MGMT: variants seen among roughly 807,000 people sequenced by gnomAD.
MGMT encodes the protein methylated-DNA--protein-cysteine methyltransferase.
Under a neutral mutation model 15.9 loss-of-function variants are expected in MGMT, and 14 were observed. That is an observed-to-expected ratio of 0.88 (90% CI 0.58 to 1.37). The LOEUF is 1.37. Among genes scored for constraint, MGMT ranks in the 40% most tolerant of loss-of-function variants. The pLI, the probability that MGMT is intolerant of heterozygous loss-of-function variation, is 0.00. For missense variants in MGMT, 282 were observed against 268.1 expected (o/e 1.05, Z -0.36); for synonymous variants, 130 against 118.2 (o/e 1.10, Z -0.65).
chr10:129,722,849 C>G (rs2133155788), intron 3 of MGMT, among the ~76,000 whole-genome samples: 2 of 151,832 alleles, frequency 1.3e-5, no homozygotes, highest in South Asian at 4.2e-4. Context: ...CTACTAAAAA[C>G]ACAAAAAACA....
chr10:129,609,891 A>C (rs473771), intron 2 of MGMT, among the ~76,000 whole-genome samples: 64,019 of 151,912 alleles, frequency 0.42, 14,439 homozygotes, highest in East Asian at 0.64. Flanking sequence ...CCTTTAGAAA[A>C]AGGCCCGGGA....
rs534862170 is a variant in MGMT, at chr10:129,755,507, C to A, written c.275-3695C>A. ...TGAGTATGCCCCTGCTAGCTGCAGC[C>A]TGGCTAAGGAAAAGTCCCAAAGCCT... is the stretch of plus-strand genomic sequence containing the variant. On this transcript the variant is annotated intron_variant, in intron 3 of 4. Coordinates refer to ENST00000651593, the MANE Select transcript of MGMT (RefSeq NM_002412.5). Among the ~76,000 whole-genome samples the A allele has an allele frequency of 6.6e-5, 10 of 152,374 alleles. 1 individual carries two copies. The South Asian group carries it at 2.1e-3, about 32-fold the overall frequency.
At chr10:129,487,439 T>A (rs1845419765) in intron 1 of MGMT, among the ~76,000 whole-genome samples, 2 of 152,192 alleles carry the variant, frequency 1.3e-5, no homozygotes. Flanking sequence ...TGTGTGTGTG[T>A]ATGTATGGTA....
intron 2 of MGMT, among the ~76,000 whole-genome samples, chr10:129,627,306 G>A (rs1847160880): frequency 6.6e-6 from 1 of 152,132 alleles, no homozygotes; most frequent in African/African-American, 2.4e-5. Context: ...ACTAAGCTGG[G>A]ATTCCCCAGG....
At chr10:129,721,472 C>A (rs148403064) in intron 3 of MGMT, among the ~76,000 whole-genome samples, 1 of 152,178 alleles carries the variant, frequency 6.6e-6, no homozygotes, top group Non-Finnish European at 1.5e-5. Flanking sequence ...ATAAGTGAAC[C>A]TCACTAGAAC....
At chr10:129,638,399 A>C (rs146880052) in intron 2 of MGMT, among the ~76,000 whole-genome samples, 212 of 150,016 alleles carry the variant, frequency 1.4e-3, no homozygotes, top group African/African-American at 5.1e-3. Flanking sequence ...AAGACTTAAG[A>C]ATAAGAAGTC....
chr10:129,669,346 T>TC (rs1199172012), intron 2 of MGMT, among the ~76,000 whole-genome samples: 1 of 152,190 alleles, frequency 6.6e-6, no homozygotes, highest in African/African-American at 2.4e-5. Context: ...TTCCTTTTTT[T>TC]CCTGATCTTT....
Position 129,468,560 on chromosome 10 carries a change from G to A in MGMT, c.-13+1264G>A, listed in dbSNP as rs1347114396. ...ACCACCAGTACGGAGCTATACTCAG[G>A]TACTTTTCAATGTATATATCTTCAT... On this transcript the variant is annotated intron_variant, in intron 1 of 4. Coordinates refer to ENST00000651593, the MANE Select transcript of MGMT (RefSeq NM_002412.5). 2.6e-5 allele frequency among the ~76,000 whole-genome samples: 4 copies of A among 151,868 alleles called. 1 individual carries two copies. The highest frequency in any genetic ancestry group is 4.2e-4 in the South Asian group (2 of 4,814).
chr10:129,597,132 G>A (rs920544091), intron 2 of MGMT, among the ~76,000 whole-genome samples: 2 of 152,204 alleles, frequency 1.3e-5, no homozygotes, highest in African/African-American at 4.8e-5. Context: ...GAGCTGGGGC[G>A]TGGAGAGGGT....
At chr10:129,493,625 C>T (rs1357054326) in intron 1 of MGMT, among the ~76,000 whole-genome samples, 1 of 152,166 alleles carries the variant, frequency 6.6e-6, no homozygotes, top group Non-Finnish European at 1.5e-5. Context: ...TTATCAACAT[C>T]TGCAAGTGTT....
chr10:129,510,054 C>T (rs777302587), intron 1 of MGMT, among the ~76,000 whole-genome samples: 5 of 152,196 alleles, frequency 3.3e-5, no homozygotes, highest in Non-Finnish European at 5.9e-5. Context: ...GGCCTGGGTT[C>T]TTCCCGCAGG....
chr10:129,497,115 A>T (rs1019192602), intron 1 of MGMT, among the ~76,000 whole-genome samples: 9 of 152,136 alleles, frequency 5.9e-5, no homozygotes, highest in African/African-American at 2.2e-4. Context: ...TTATAATGTG[A>T]TATAAAGCTG....
At chr10:129,587,635 C>T (rs1210403048) in intron 2 of MGMT, among the ~76,000 whole-genome samples, 1 of 151,492 alleles carries the variant, frequency 6.6e-6, no homozygotes, top group Non-Finnish European at 1.5e-5. Flanking sequence ...ACTACAGGCA[C>T]AACCCACCAT....
intron 2 of MGMT, among the ~76,000 whole-genome samples, chr10:129,668,838 T>C (rs1847688847): frequency 6.6e-6 from 1 of 152,172 alleles, no homozygotes; most frequent in South Asian, 2.1e-4. Context: ...AATCTTTTTC[T>C]TCTTGAAATT....
At chr10:129,640,808 T>C (rs996953409) in intron 2 of MGMT, among the ~76,000 whole-genome samples, 3 of 152,228 alleles carry the variant, frequency 2.0e-5, no homozygotes, top group African/African-American at 7.2e-5. Context: ...GACTGTTCAG[T>C]ATTTCACAAT....
chr10:129,578,450 G>A (rs867696466), intron 2 of MGMT, among the ~76,000 whole-genome samples: 6 of 151,122 alleles, frequency 4.0e-5, no homozygotes, highest in African/African-American at 1.5e-4. Flanking sequence ...ACCAAACACC[G>A]CATGTTCTCA....
In MGMT at chr10:129,489,359, C is replaced by CAAAAA. The variant is rs34274988; in HGVS notation, c.-13+22086_-13+22090dup. Among the ~76,000 whole-genome samples, 50 of 57,342 alleles carry CAAAAA rather than the reference C, an allele frequency of 8.7e-4. 2 individuals carry two copies. Among genetic ancestry groups the CAAAAA allele is most frequent in the East Asian group, 5.1e-3 (7 of 1,370 alleles). 37.6% of individuals were successfully genotyped at this position (57,342 alleles called of 152,430 possible). A position where few individuals can be genotyped will look rare whatever the true frequency, so the allele number is the denominator to read the frequency against. On this transcript the variant is annotated intron_variant, in intron 1 of 4. Transcript: ENST00000651593. Reference sequence around the variant, plus strand: ...TGGGTGACAGTGCAGGACTCTGTCTCAAAAAAAAAAAAAAAAAAAAAAAAA... The same window carrying CAAAAA: ...TGGGTGACAGTGCAGGACTCTGTCTCAAAAAAAAAAAAAAAAAAAAAAAAAAAAAA...
intron 2 of MGMT, among the ~76,000 whole-genome samples, chr10:129,672,199 C>G (rs549200622): frequency 6.6e-6 from 1 of 152,202 alleles, no homozygotes; most frequent in South Asian, 2.1e-4. Context: ...TCTAGGTTTC[C>G]AGTTATTTTA....
intron 1 of MGMT, among the ~76,000 whole-genome samples, chr10:129,503,376 A>G (rs1845594369): frequency 6.6e-6 from 1 of 152,240 alleles, no homozygotes; most frequent in East Asian, 1.9e-4. Context: ...TGTTCTGATT[A>G]CTTTCTGCCT....
Sources: gnomAD v4.1 joint callset for allele counts (sites outside exome capture counted in the v4.1 genomes callset) on GRCh38, gnomAD v4.1.1 for gene constraint, MANE v1.5 for transcripts, NCBI Gene and HGNC (gene_info 2026-07-23, HGNC 2026-07-21) for gene names.